PLXNA4: variants seen among roughly 807,000 people sequenced by gnomAD.
The protein encoded by PLXNA4 is plexin A4.
A neutral mutation model predicts 191.8 loss-of-function variants in PLXNA4; 44 were observed. The observed-to-expected ratio is 0.23, with a 90% CI of 0.18 to 0.29. The LOEUF is 0.29. Ranked by LOEUF, PLXNA4 falls within the 10% of genes least tolerant of loss-of-function variation. PLXNA4 has a pLI of 1.00. For synonymous variants in PLXNA4, 1,082 were observed against 1,009.5 expected (o/e 1.07, Z -1.36); for missense variants, 1,800 against 2,488.8 (o/e 0.72, Z 5.89).
At position 132,164,221 on chromosome 7, in the gene PLXNA4, A is replaced by G. The variant is rs1331856531; in HGVS notation, c.4421T>C (p.Ile1474Thr). 19 of 1,614,262 alleles carry G rather than the reference A, an allele frequency of 1.2e-5. No homozygotes were observed. The highest frequency in any genetic ancestry group is 3.3e-5 in the Admixed American group (2 of 60,036). ...GCGGGCCTCGCCCGTGATGGCGTCA[A>G]TGGGGCCCTTCTCCATCTGCTGCTT... is the stretch of plus-strand genomic sequence containing the variant. Reference protein sequence around the residue: ...AIKQQMEKGPIDAITGEARYS... With the variant: ...AIKQQMEKGPTDAITGEARYS... The change falls in exon 24 of 32, where the codon ATT becomes ACT. Residue 1474 changes from isoleucine (I) to threonine (T), a missense_variant. Around this residue, in one of 6 missense-constraint regions of PLXNA4, gnomAD observed 214 missense variants for 298.2 expected, o/e 0.72. Coordinates refer to ENST00000321063, the MANE Select transcript of PLXNA4 (RefSeq NM_020911.2).
At chr7:132,172,675 G>A (rs777151408) in intron 21 of PLXNA4, among the ~76,000 whole-genome samples, 1 of 152,062 alleles carries the variant, frequency 6.6e-6, no homozygotes, top group African/African-American at 2.4e-5. Context: ...GGCTAATGCG[G>A]GCCAGTAAAA....
chr7:132,403,203 G>C (rs943630166), intron 3 of PLXNA4, among the ~76,000 whole-genome samples: 7 of 152,202 alleles, frequency 4.6e-5, no homozygotes, highest in African/African-American at 1.7e-4. Context: ...AGGCCCTGAC[G>C]CCTGCTATGC....
chr7:132,511,090 C>T (rs917243878), intron 1 of PLXNA4, among the ~76,000 whole-genome samples: 1 of 152,188 alleles, frequency 6.6e-6, no homozygotes, highest in Non-Finnish European at 1.5e-5. Context: ...GTCTGTCTTG[C>T]TCGTCAACAC....
At chr7:132,228,843 A>G (rs1798425355) in intron 5 of PLXNA4, among the ~76,000 whole-genome samples, 1 of 152,036 alleles carries the variant, frequency 6.6e-6, no homozygotes, top group African/African-American at 2.4e-5. Flanking sequence ...TAGAAAATAT[A>G]CCTCCTTGGC....
At chr7:132,580,634 AG>A (rs1371350657), upstream of PLXNA4, among the ~76,000 whole-genome samples, 2 of 152,246 alleles carry the variant, frequency 1.3e-5, no homozygotes, top group Non-Finnish European at 2.9e-5. Context: ...GCTGAATAAA[AG>A]GACCAGTTTA....
intron 3 of PLXNA4, among the ~76,000 whole-genome samples, chr7:132,341,348 GA>G (rs1166482017): frequency 1.3e-5 from 2 of 151,854 alleles, no homozygotes; most frequent in Non-Finnish European, 2.9e-5. Context: ...TACTAAGAAA[GA>G]AAAAAAGGCC....
chr7:132,174,841 T>C lies in PLXNA4; in HGVS notation c.3954A>G (p.Arg1318=). 1.2e-6 allele frequency: 2 copies of C among 1,614,136 alleles called. No homozygotes were observed. Among genetic ancestry groups the C allele is most frequent in the Non-Finnish European group, 1.7e-6 (2 of 1,180,018 alleles). Residue 1318 remains arginine (R), a synonymous_variant, in exon 21 of 32, where the codon AGA becomes AGG. Coordinates refer to ENST00000321063, the MANE Select transcript of PLXNA4 (RefSeq NM_020911.2). Reference sequence around the variant, plus strand: ...GGAACAGCACCCGCATGGTGTAAGTTCTATAGTCCAGGAACGGAATCCCGG... The same window carrying C: ...GGAACAGCACCCGCATGGTGTAAGTCCTATAGTCCAGGAACGGAATCCCGG... The part of the protein sequence containing the change: ...DGAGIPFLDY[R]TYTMRVLFPG...
chr7:132,321,642 AG>A (rs1323924784), intron 3 of PLXNA4, among the ~76,000 whole-genome samples: 2 of 152,172 alleles, frequency 1.3e-5, no homozygotes, highest in Non-Finnish European at 2.9e-5. Flanking sequence ...GACCTGCAGG[AG>A]GCAGACAGCC....
Position 132,489,261 on chromosome 7 carries a change from A to G in PLXNA4, c.1371+31T>C, listed in dbSNP as rs370940771. 7 of 1,555,254 alleles carry G rather than the reference A, an allele frequency of 4.5e-6. No homozygotes were observed. In the African/African-American group the frequency reaches 8.1e-5, roughly 18 times the overall value. ...CCCAGGAGGGACAGACTGTCTTCAC[A>G]GTAACCAAAAGTACTGCACCTCATT... On this transcript the variant is annotated intron_variant, in intron 3 of 31. Transcript: ENST00000321063.
chr7:132,366,802 T>C (rs1804206089), intron 3 of PLXNA4, among the ~76,000 whole-genome samples: 1 of 152,218 alleles, frequency 6.6e-6, no homozygotes, highest in Non-Finnish European at 1.5e-5. Context: ...TGCTCTGTTG[T>C]CCAGGCTGGA....
intron 2 of PLXNA4, among the ~76,000 whole-genome samples, chr7:132,504,502 T>C (rs2116215844): frequency 6.6e-6 from 1 of 152,234 alleles, no homozygotes; most frequent in East Asian, 1.9e-4. Context: ...GGAGGAGCAT[T>C]CTAATTTAGA....
At chr7:132,597,603 TCA>T (rs1802736383) in intron 2 of PLXNA4, among the ~76,000 whole-genome samples, 1 of 151,966 alleles carries the variant, frequency 6.6e-6, no homozygotes, top group Non-Finnish European at 1.5e-5. Context: ...ATTCATTCAT[TCA>T]TTCATGTATT....
chr7:132,385,245 T>A (rs1344302910), intron 3 of PLXNA4: 2 of 1,614,076 alleles, frequency 1.2e-6, no homozygotes, highest in South Asian at 2.2e-5. Flanking sequence ...CTCTGTGGGA[T>A]CGGGGTCCCG....
intron 1 of PLXNA4, among the ~76,000 whole-genome samples, chr7:132,547,180 T>C (rs929852507): frequency 5.3e-5 from 8 of 152,192 alleles, no homozygotes; most frequent in Non-Finnish European, 1.0e-4. Flanking sequence ...TGATGCTTGC[T>C]CTGGGCCCAG....
At chr7:132,493,507 A>T (rs1290321609) in intron 2 of PLXNA4, among the ~76,000 whole-genome samples, 1 of 152,068 alleles carries the variant, frequency 6.6e-6, no homozygotes, top group African/African-American at 2.4e-5. Context: ...TATCCAGAGG[A>T]CTCTGGATCT....
intron 2 of PLXNA4, among the ~76,000 whole-genome samples, chr7:132,625,901 T>C (rs1031033735): frequency 2.0e-5 from 3 of 152,120 alleles, no homozygotes; most frequent in Non-Finnish European, 4.4e-5. Context: ...TTGTAGGAAA[T>C]ATATTTCAGG....
At chr7:132,151,243 T>TGAAGAGGAAGAAGAAGGAG (rs1242210915) in intron 25 of PLXNA4, among the ~76,000 whole-genome samples, 1 of 126,060 alleles carries the variant, frequency 7.9e-6, no homozygotes, top group East Asian at 2.2e-4. Flanking sequence ...GAGAAGAGGA[T>TGAAGAGGAAGAAGAAGGAG]GAAGAGGAAG....
At chr7:132,216,493 G>A (rs1465804921) in intron 9 of PLXNA4, among the ~76,000 whole-genome samples, 2 of 152,176 alleles carry the variant, frequency 1.3e-5, no homozygotes, top group Admixed American at 6.5e-5. Flanking sequence ...TAATTGGTAC[G>A]TTGCAACCTG....
chr7:132,326,015 T>G (rs6467430), intron 3 of PLXNA4, among the ~76,000 whole-genome samples: 490 of 152,126 alleles, frequency 3.2e-3, no homozygotes, highest in African/African-American at 0.01. Flanking sequence ...CTGGCTAAAC[T>G]TTATTCTGAG....
Sources: gnomAD v4.1 joint callset for allele counts (sites outside exome capture counted in the v4.1 genomes callset) on GRCh38, gnomAD v4.1.1 for gene constraint, gnomAD v4.1.1 regional missense constraint, MANE v1.5 for transcripts, NCBI Gene and HGNC (gene_info 2026-07-23, HGNC 2026-07-21) for gene names.